DCC: variants seen among roughly 807,000 people sequenced by gnomAD.
DCC encodes the protein DCC netrin 1 receptor.
DCC carries 58 observed loss-of-function variants against 172.5 expected under a neutral mutation model. The ratio of observed to expected loss-of-function variants is 0.34; its 90% CI spans 0.27 to 0.42. The LOEUF (loss-of-function observed/expected upper bound fraction) is 0.42. Ranked by LOEUF, DCC falls within the 10% of genes least tolerant of loss-of-function variation. The pLI, the probability that DCC is intolerant of heterozygous loss-of-function variation, is 1.00. For synonymous variants in DCC, 709 were observed against 644.5 expected (o/e 1.10, Z -1.52); for missense variants, 1,740 against 1,791.0 (o/e 0.97, Z 0.51).
intron 5 of DCC, among the ~76,000 whole-genome samples, chr18:53,014,195 G>T (rs1203844644): frequency 6.6e-6 from 1 of 152,130 alleles, no homozygotes; most frequent in African/African-American, 2.4e-5. Flanking sequence ...TAAGTAATTA[G>T]ATGAATCACT....
chr18:53,006,337 C>A (rs1259433393), intron 5 of DCC, among the ~76,000 whole-genome samples: 1 of 152,056 alleles, frequency 6.6e-6, no homozygotes, highest in Admixed American at 6.6e-5. Flanking sequence ...TTAAGCATGG[C>A]AATGCTCATC....
intron 1 of DCC, among the ~76,000 whole-genome samples, chr18:52,659,077 G>A (rs1244770509): frequency 1.3e-5 from 2 of 152,132 alleles, no homozygotes; most frequent in South Asian, 2.1e-4. Context: ...TTTGATAAAT[G>A]TTCCATCATT....
chr18:53,137,781 C>T (rs553272476), intron 7 of DCC, among the ~76,000 whole-genome samples: 1 of 151,792 alleles, frequency 6.6e-6, no homozygotes, highest in African/African-American at 2.4e-5. Flanking sequence ...ATAATTTTAG[C>T]AGAATGTCAT....
intron 2 of DCC, among the ~76,000 whole-genome samples, chr18:52,890,766 C>A (rs1036459039): frequency 6.6e-6 from 1 of 152,038 alleles, no homozygotes; most frequent in Non-Finnish European, 1.5e-5. Context: ...AGTATCTATG[C>A]GTCACTTTAA....
In DCC at chr18:53,237,070, C is replaced by T. The variant is rs553981773; in HGVS notation, c.1911+21473C>T. ...GTAACTATTTATATATGTTTAAAAC[C>T]GTTACTCTCCACAAATATATATATA... On this transcript the variant is annotated intron_variant, in intron 12 of 28. Transcript: ENST00000442544. The T allele has an allele frequency of 4.0e-5, 6 of 151,558 alleles. No individual in the cohort carries two copies. The East Asian group carries it at 5.8e-4, about 15-fold the overall frequency. The allele number at this position is 151,558 out of a possible 1,614,324, so 9.4% of individuals were successfully genotyped here. A position where few individuals can be genotyped will look rare whatever the true frequency, so the allele number is the denominator to read the frequency against.
At chr18:52,450,564 C>A (rs1199426391) in intron 1 of DCC, among the ~76,000 whole-genome samples, 1 of 152,110 alleles carries the variant, frequency 6.6e-6, no homozygotes, top group African/African-American at 2.4e-5. Flanking sequence ...GAAATGTTAT[C>A]TCTGGGAAAA....
intron 12 of DCC, among the ~76,000 whole-genome samples, chr18:53,269,540 G>A (rs985367294): frequency 6.6e-6 from 1 of 152,140 alleles, no homozygotes; most frequent in Non-Finnish European, 1.5e-5. Context: ...GAAAGGCATA[G>A]AATGTTAAGA....
intron 12 of DCC, among the ~76,000 whole-genome samples, chr18:53,281,569 G>C (rs1302203126): frequency 6.6e-6 from 1 of 152,074 alleles, no homozygotes; most frequent in Non-Finnish European, 1.5e-5. Flanking sequence ...TTCTGGACTT[G>C]TGTCCTTTTG....
intron 2 of DCC, among the ~76,000 whole-genome samples, chr18:52,802,643 C>CTTTTTTTTTTTTT (rs776080029): frequency 2.6e-5 from 1 of 38,202 alleles, no homozygotes; most frequent in African/African-American, 9.2e-5. Flanking sequence ...CACGCCAAGC[C>CTTTTTTTTTTTTT]TTTTTTTTTT....
chr18:53,407,555 A>ATATATATATATATATATATATATT (rs1269931007), intron 19 of DCC, among the ~76,000 whole-genome samples: 2 of 140,484 alleles, frequency 1.4e-5, no homozygotes, highest in Non-Finnish European at 3.1e-5. Flanking sequence ...ATATATATAT[A>ATATATATATATATATATATATATT]TTCACTATTA....
At chr18:52,692,491 T>G (rs1448906677) in intron 1 of DCC, among the ~76,000 whole-genome samples, 1 of 152,180 alleles carries the variant, frequency 6.6e-6, no homozygotes, top group Non-Finnish European at 1.5e-5. Context: ...CAGGTTGGAG[T>G]GCAGTGATGC....
In DCC at chr18:53,339,868, G is replaced by A; in HGVS notation, c.2320G>A (p.Val774Met). Reference protein sequence around the residue: ...VGSPYAETVRVDSKQRYYSIE... With the variant: ...VGSPYAETVRMDSKQRYYSIE... ...GAGCCCTTACGCTGAGACAGTGCGT[G>A]TGGACAGCAAGCAGCGATATTATTC... The change falls in exon 15 of 29, where the codon GTG (valine) becomes ATG (methionine). Residue 774 changes from valine (V) to methionine (M), a missense_variant. Physicochemically the swap from Val to Met is conservative, Grantham distance 21. This residue lies in a region of DCC where 1,732 missense variants were observed against 1,767.4 expected (regional missense o/e 0.98). Transcript: ENST00000442544. 1 of 1,613,902 alleles carries A rather than the reference G, an allele frequency of 6.2e-7. No individual in the cohort carries two copies. The highest frequency in any genetic ancestry group is 8.5e-7 in the Non-Finnish European group (1 of 1,179,870).
chr18:52,874,559 T>G (rs191352002), intron 2 of DCC, among the ~76,000 whole-genome samples: 1 of 152,354 alleles, frequency 6.6e-6, no homozygotes, highest in East Asian at 1.9e-4. Flanking sequence ...GTTTAATTTT[T>G]CATCTAGTTC....
At chr18:53,101,793 T>A (rs2043175250) in intron 7 of DCC, among the ~76,000 whole-genome samples, 1 of 149,544 alleles carries the variant, frequency 6.7e-6, no homozygotes, top group African/African-American at 2.5e-5. Context: ...GCTTCCTGAC[T>A]ACCACTGGGC....
chr18:52,711,254 T>G (rs2036287043), intron 1 of DCC, among the ~76,000 whole-genome samples: 1 of 152,136 alleles, frequency 6.6e-6, no homozygotes, highest in Non-Finnish European at 1.5e-5. Context: ...TGAGATGGAA[T>G]TTCACTCTTG....
chr18:52,813,909 C>T (rs2038243563), intron 2 of DCC, among the ~76,000 whole-genome samples: 1 of 152,166 alleles, frequency 6.6e-6, no homozygotes, highest in South Asian at 2.1e-4. Flanking sequence ...CAAATTGGAA[C>T]TTTTACTATC....
intron 1 of DCC, among the ~76,000 whole-genome samples, chr18:52,375,051 C>T (rs997258416): frequency 1.3e-5 from 2 of 152,200 alleles, no homozygotes; most frequent in African/African-American, 2.4e-5. Flanking sequence ...GCTGAAGGAG[C>T]GCCATGGGGC....
At chr18:53,207,275 G>A (rs769601056) in intron 10 of DCC, among the ~76,000 whole-genome samples, 7 of 152,254 alleles carry the variant, frequency 4.6e-5, no homozygotes, top group Middle Eastern at 6.8e-3. Flanking sequence ...AGAGCTGTGG[G>A]TATATTTCAG....
At chr18:52,394,132 C>T (rs1205264103) in intron 1 of DCC, among the ~76,000 whole-genome samples, 1 of 152,028 alleles carries the variant, frequency 6.6e-6, no homozygotes, top group East Asian at 1.9e-4. Context: ...AAAGCCATAC[C>T]TTCAGAAAAC....
Sources: gnomAD v4.1 joint callset for allele counts (sites outside exome capture counted in the v4.1 genomes callset) on GRCh38, gnomAD v4.1.1 for gene constraint, gnomAD v4.1.1 regional missense constraint, MANE v1.5 for transcripts, NCBI Gene and HGNC (gene_info 2026-07-23, HGNC 2026-07-21) for gene names.